RELN: variants seen among roughly 807,000 people sequenced by gnomAD.
The protein encoded by RELN is reelin.
Under a neutral mutation model 427.6 loss-of-function variants are expected in RELN, and 108 were observed. That is an observed-to-expected ratio of 0.25 (90% CI 0.22 to 0.30). RELN has a LOEUF of 0.30. RELN is among the 10% of genes least tolerant of loss of function. RELN has a pLI of 1.00. For synonymous variants in RELN, 1,524 were observed against 1,513.4 expected (o/e 1.01, Z -0.16); for missense variants, 3,715 against 4,302.8 (o/e 0.86, Z 3.82).
intron 28 of RELN, among the ~76,000 whole-genome samples, chr7:103,577,558 C>CAA (rs11323336): frequency 2.2e-4 from 25 of 113,570 alleles, no homozygotes; most frequent in African/African-American, 7.7e-4. Context: ...AAAGCAAAAG[C>CAA]AAAAAAAAAA....
chr7:103,962,173 CCT>C (rs1440142725), intron 1 of RELN, among the ~76,000 whole-genome samples: 1 of 152,070 alleles, frequency 6.6e-6, no homozygotes, highest in African/African-American at 2.4e-5. Flanking sequence ...AACACGCTTC[CCT>C]GTTCCCCGTG....
chr7:103,641,408 A>C (rs1832691016), intron 16 of RELN, among the ~76,000 whole-genome samples: 1 of 152,214 alleles, frequency 6.6e-6, no homozygotes, highest in Admixed American at 6.5e-5. Flanking sequence ...TAAGCACTTA[A>C]TACCTGCCAA....
chr7:103,531,469 C>T (rs1410445750), intron 46 of RELN, among the ~76,000 whole-genome samples: 3 of 152,140 alleles, frequency 2.0e-5, no homozygotes, highest in Non-Finnish European at 2.9e-5. Flanking sequence ...TGATGTATCT[C>T]GTGTTTAGTT....
chr7:103,871,599 G>C (rs1036502264), intron 2 of RELN, among the ~76,000 whole-genome samples: 2 of 152,090 alleles, frequency 1.3e-5, no homozygotes, highest in African/African-American at 4.8e-5. Context: ...GCAGACCATG[G>C]AGGGCAGGAG....
In RELN at chr7:103,598,738, C is replaced by A. The variant is rs191966431; in HGVS notation, c.3334-2077G>T. Among the ~76,000 whole-genome samples the A allele has an allele frequency of 2.0e-5, 3 of 152,200 alleles. No homozygotes were observed. In the East Asian group the frequency reaches 5.8e-4, roughly 29 times the overall value. The stretch of plus-strand genomic sequence containing the variant: ...GAAAGTGTTTTTTCCTAGAGAATAG[C>A]ACAAATCATTTTCTTTTGTTTGGTG... On this transcript the variant is annotated intron_variant, in intron 24 of 64. Coordinates refer to ENST00000428762, the MANE Select transcript of RELN (RefSeq NM_005045.4).
chr7:103,761,628 TG>T (rs35263819), intron 4 of RELN, among the ~76,000 whole-genome samples: 41 of 149,932 alleles, frequency 2.7e-4, no homozygotes, highest in South Asian at 6.4e-4. Context: ...AATTTTTTTT[TG>T]GGGGGGGGTA....
At chr7:103,675,123 T>C (rs2115651209) in intron 11 of RELN, among the ~76,000 whole-genome samples, 1 of 152,324 alleles carries the variant, frequency 6.6e-6, no homozygotes, top group East Asian at 1.9e-4. Flanking sequence ...GACATGATTG[T>C]ATATTTAGAA....
chr7:103,732,974 A>T (rs965863746), intron 6 of RELN, among the ~76,000 whole-genome samples: 53 of 152,128 alleles, frequency 3.5e-4, no homozygotes, highest in African/African-American at 1.3e-3. Flanking sequence ...GGTGTTTTAG[A>T]CATGAAGTCC....
chr7:103,922,170 T>C (rs547917063), intron 1 of RELN, among the ~76,000 whole-genome samples: 27 of 152,296 alleles, frequency 1.8e-4, no homozygotes, highest in Non-Finnish European at 2.2e-4. Context: ...GCCATTGTTA[T>C]TCTTAGAGAT....
At chr7:103,795,318 T>C (rs1254135703) in intron 3 of RELN, among the ~76,000 whole-genome samples, 1 of 152,222 alleles carries the variant, frequency 6.6e-6, no homozygotes, top group Non-Finnish European at 1.5e-5. Flanking sequence ...ATTTACTGTG[T>C]TGACTAACAC....
chr7:103,533,525 G>A (rs1829985058), intron 46 of RELN, among the ~76,000 whole-genome samples: 1 of 152,122 alleles, frequency 6.6e-6, no homozygotes, highest in Non-Finnish European at 1.5e-5. Flanking sequence ...CTCCCTCCAT[G>A]CACATTTCTT....
chr7:103,679,511 G>A (rs1190014088), intron 11 of RELN, among the ~76,000 whole-genome samples: 4 of 152,200 alleles, frequency 2.6e-5, no homozygotes, highest in Non-Finnish European at 4.4e-5. Context: ...CAGCCTGGAA[G>A]TACCAGCTTC....
chr7:103,552,314 T>C (rs890117413), intron 40 of RELN, among the ~76,000 whole-genome samples: 1 of 152,154 alleles, frequency 6.6e-6, no homozygotes, highest in South Asian at 2.1e-4. Context: ...CATCAAAGCA[T>C]AGGAACCACT....
intron 3 of RELN, among the ~76,000 whole-genome samples, chr7:103,806,327 CTTTT>C (rs1203476866): frequency 6.6e-6 from 1 of 151,892 alleles, no homozygotes; most frequent in Non-Finnish European, 1.5e-5. Context: ...CACTTTCTTT[CTTTT>C]TTCTTTTTTT....
chr7:103,667,069 T>C (rs148711468), intron 11 of RELN, among the ~76,000 whole-genome samples: 96 of 152,332 alleles, frequency 6.3e-4, no homozygotes, highest in African/African-American at 2.3e-3. Context: ...ATCTGCTCAT[T>C]TCCTCCCCTA....
At chr7:103,960,120 T>C (rs1482088180) in intron 1 of RELN, among the ~76,000 whole-genome samples, 2 of 152,208 alleles carry the variant, frequency 1.3e-5, no homozygotes, top group Non-Finnish European at 2.9e-5. Context: ...AATTAGATTA[T>C]GTCGTTCCTT....
intron 48 of RELN, among the ~76,000 whole-genome samples, chr7:103,520,438 G>C (rs1216993159): frequency 6.6e-6 from 1 of 151,990 alleles, no homozygotes; most frequent in East Asian, 1.9e-4. Flanking sequence ...ACCACACCCG[G>C]CTAATTTTTG....
At chr7:103,560,229 T>C (rs1238259707) in intron 36 of RELN, among the ~76,000 whole-genome samples, 2 of 152,218 alleles carry the variant, frequency 1.3e-5, no homozygotes, top group Non-Finnish European at 2.9e-5. Context: ...AAACAAGCTA[T>C]TTTAATAGTA....
intron 2 of RELN, among the ~76,000 whole-genome samples, chr7:103,907,893 G>C (rs111851974): frequency 6.6e-6 from 1 of 151,792 alleles, no homozygotes; most frequent in East Asian, 1.9e-4. Context: ...GCATCAACCC[G>C]TCATTTAGGT....
Sources: gnomAD v4.1 joint callset for allele counts (sites outside exome capture counted in the v4.1 genomes callset) on GRCh38, gnomAD v4.1.1 for gene constraint, MANE v1.5 for transcripts, NCBI Gene and HGNC (gene_info 2026-07-23, HGNC 2026-07-21) for gene names.